Variants in CHGB observed in about 807,000 individuals in gnomAD.
CHGB encodes secretogranin-1.
Under a neutral mutation model 69.9 loss-of-function variants are expected in CHGB, and 46 were observed. The observed-to-expected ratio is 0.66, with a 90% CI of 0.52 to 0.84. The LOEUF (loss-of-function observed/expected upper bound fraction) is 0.84. Among genes scored for constraint, CHGB ranks in the 40% least tolerant of loss-of-function variants. The pLI is 0.00. For synonymous variants in CHGB, 312 were observed against 298.2 expected, an observed-to-expected ratio of 1.05 and a Z score of -0.48; for missense variants, 796 against 822.2, an observed-to-expected ratio of 0.97 and a Z score of 0.39.
Position 5,925,162 on chromosome 20 carries a change from A to G in CHGB, c.*113A>G. ...CCAAGGGCAGAAAGTAGAACTTACT[A>G]TTCATTAAATGTTTGACACAATTGG... On this transcript the variant is annotated 3_prime_UTR_variant, in exon 5 of 5. Transcript: ENST00000378961. 1 of 625,204 alleles carries G rather than the reference A, an allele frequency of 1.6e-6. No individual in the cohort carries two copies. Among genetic ancestry groups the G allele is most frequent in the Non-Finnish European group, 2.8e-6 (1 of 357,936 alleles). The allele number at this position is 625,204 out of a possible 1,614,324, so 38.7% of individuals were successfully genotyped here.
intron 3 of CHGB, among the ~76,000 whole-genome samples, chr20:5,919,441 C>G (rs1167867334): frequency 6.6e-6 from 1 of 152,146 alleles, no homozygotes; most frequent in Non-Finnish European, 1.5e-5. Flanking sequence ...ACAAATAACA[C>G]AAAAGAGTAA....
At chr20:5,913,455 A>G (rs2088457276) in intron 1 of CHGB, among the ~76,000 whole-genome samples, 1 of 152,194 alleles carries the variant, frequency 6.6e-6, no homozygotes, top group East Asian at 1.9e-4. Flanking sequence ...GGAAGCCTCA[A>G]GAAACCATCT....
At chr20:5,914,354 GA>G (rs750948899) in intron 1 of CHGB, among the ~76,000 whole-genome samples, 9 of 152,074 alleles carry the variant, frequency 5.9e-5, no homozygotes, top group Admixed American at 1.3e-4. Flanking sequence ...GAGATCTGAA[GA>G]GCCTCAGTCA....
Position 5,924,954 on chromosome 20 carries a change from CT to C in CHGB, c.1957-14del, listed in dbSNP as rs1568552832. ...ATTGGTTCGGGACCTCATGCCTCCA[CT>C]TTTCTGTATTTTCCAGAAAAAAGAA... On this transcript the variant is annotated splice_polypyrimidine_tract_variant and intron_variant, in intron 4 of 4. Transcript: ENST00000378961. The C allele has an allele frequency of 1.3e-6, 2 of 1,573,784 alleles. No homozygotes were observed. The highest frequency in any genetic ancestry group is 1.1e-5 in the South Asian group (1 of 89,868).
intron 2 of CHGB, 44 bp downstream of exon 2, chr20:5,916,416 C>CAAG: frequency 2.7e-6 from 4 of 1,481,614 alleles, no homozygotes; most frequent in Non-Finnish European, 3.8e-6. Flanking sequence ...TGTGTCTAGA[C>CAAG]TCTAGATTCT....
chr20:5,925,055 A>T lies in CHGB; in HGVS notation c.*6A>T, dbSNP rs1449604820. The T allele has an allele frequency of 6.2e-7, 1 of 1,603,062 alleles. No individual in the cohort carries two copies. Among genetic ancestry groups the T allele is most frequent in the Non-Finnish European group, 8.5e-7 (1 of 1,170,640 alleles). ...AATTCAGCCAAAGGGGCTGACTGTC[A>T]TTGGAGCGGTGGGCACTGTTAAGAA... On this transcript the variant is annotated 3_prime_UTR_variant, in exon 5 of 5. Coordinates refer to ENST00000378961, the MANE Select transcript of CHGB (RefSeq NM_001819.3).
At chr20:5,921,293 G>T (rs1600213603) in intron 3 of CHGB, among the ~76,000 whole-genome samples, 1 of 152,048 alleles carries the variant, frequency 6.6e-6, no homozygotes, top group South Asian at 2.1e-4. Context: ...TCCCAGATCG[G>T]ACCAGCCACA....
At position 5,916,309 on chromosome 20, in the gene CHGB, C is replaced by T; in HGVS notation, c.50-17C>T. On this transcript the variant is annotated splice_polypyrimidine_tract_variant and intron_variant, in intron 1 of 4. Coordinates refer to ENST00000378961, the MANE Select transcript of CHGB (RefSeq NM_001819.3). ...AAACCAACTCAAGTCATTTTCCATT[C>T]TTTTTCTCCTTCAAAGCTGTCAATT... The T allele has an allele frequency of 6.2e-7, 1 of 1,611,200 alleles. No homozygotes were observed. The highest frequency in any genetic ancestry group is 8.5e-7 in the Non-Finnish European group (1 of 1,177,990).
At chr20:5,914,753 C>T (rs2088466078) in intron 1 of CHGB, 1 of 152,208 alleles carries the variant, frequency 6.6e-6, no homozygotes, top group South Asian at 2.1e-4. Flanking sequence ...AGTGGGCCAA[C>T]TGGATCTTGC....
chr20:5,919,674 G>T (rs573981923), intron 3 of CHGB, among the ~76,000 whole-genome samples: 1 of 152,294 alleles, frequency 6.6e-6, no homozygotes, highest in East Asian at 1.9e-4. Flanking sequence ...AGGTCAAACA[G>T]AATTTACCTC....
At chr20:5,924,917 A>T in intron 4 of CHGB, 55 bp from the exon 5 acceptor site, 1 of 1,095,048 alleles carries the variant, frequency 9.1e-7, no homozygotes, top group East Asian at 2.4e-5. Flanking sequence ...CCATCAAACT[A>T]CAGCAAAAGA....
Position 5,923,568 on chromosome 20 carries a change from G to T in CHGB, c.1424G>T (p.Gly475Val), listed in dbSNP as rs763809351. 3 of 1,614,166 alleles carry T rather than the reference G, an allele frequency of 1.9e-6. No homozygotes were observed. Among genetic ancestry groups the T allele is most frequent in the Admixed American group, 3.3e-5 (2 of 60,022 alleles). The change falls in exon 4 of 5, where the codon GGT (glycine) becomes GTT (valine). Residue 475 changes from glycine to valine, a missense_variant. Around this residue, in one of 3 missense-constraint regions of CHGB, gnomAD observed 274 missense variants for 298.9 expected, o/e 0.92. Transcript: ENST00000378961. ...CTGGACAGAAATTATCTCAACTACG[G>T]TGAGGAAGGAGCCCCAGGGAAGTGG... ...KELDRNYLNY[G>V]EEGAPGKWQQ... is the part of the protein sequence containing the mutation.
chr20:5,922,461 C>A lies in CHGB; in HGVS notation c.317C>A (p.Ala106Asp), dbSNP rs1196530863. Reference sequence around the variant, plus strand: ...TCCTCCAGCAGGGGAGAGGCAGGAGCCCCAGGGGAGGAGGACATCCAAGGC... The same window carrying A: ...TCCTCCAGCAGGGGAGAGGCAGGAGACCCAGGGGAGGAGGACATCCAAGGC... ...HESSSRGEAGAPGEEDIQGPT... is the reference protein window; with the variant it reads ...HESSSRGEAGDPGEEDIQGPT... The change falls in exon 4 of 5, where the codon GCC (alanine) becomes GAC (aspartate). Residue 106 changes from alanine (A) to aspartate (D), a missense_variant. Physicochemically the swap from Ala to Asp is moderately radical, Grantham distance 126 (BLOSUM62 -2). This residue lies in a region of CHGB where 518 missense variants were observed against 506.3 expected (regional missense o/e 1.02). Coordinates refer to ENST00000378961, the MANE Select transcript of CHGB (RefSeq NM_001819.3). The A allele has an allele frequency of 6.2e-7, 1 of 1,613,616 alleles. No homozygotes were observed. Among genetic ancestry groups the A allele is most frequent in the East Asian group, 2.2e-5 (1 of 44,856 alleles).
chr20:5,914,526 G>A (rs569256255), intron 1 of CHGB: 1 of 152,286 alleles, frequency 6.6e-6, no homozygotes, highest in South Asian at 2.1e-4. Flanking sequence ...AAAAGGGAAA[G>A]TATTAGCAAG....
At chr20:5,922,303 G>C in intron 3 of CHGB, 32 bp from the exon 4 acceptor site, 1 of 1,503,912 alleles carries the variant, frequency 6.6e-7, no homozygotes, top group Non-Finnish European at 8.9e-7. Context: ...AAGCAATTCT[G>C]AAATTATACC....
chr20:5,916,374 T>C lies in CHGB; in HGVS notation c.96+2T>C. On this transcript the variant is annotated splice_donor_variant, in intron 2 of 4. Coordinates refer to ENST00000378961, the MANE Select transcript of CHGB (RefSeq NM_001819.3). LOFTEE classifies it high-confidence loss of function. ...AACAGGAACCACAATGAAGGAATGGTAAGTTGCAATGTCAATCTTAGAATC... is the reference window on the plus strand; with the variant it reads ...AACAGGAACCACAATGAAGGAATGGCAAGTTGCAATGTCAATCTTAGAATC... 1 of 1,611,312 alleles carries C rather than the reference T, an allele frequency of 6.2e-7. No individual in the cohort carries two copies. The highest frequency in any genetic ancestry group is 1.3e-5 in the African/African-American group (1 of 74,994).
chr20:5,911,706 C>T, intron 1 of CHGB, 24 bp downstream of exon 1: 2 of 1,425,090 alleles, frequency 1.4e-6, no homozygotes, highest in South Asian at 1.5e-5. Context: ...GCGGGCCGGT[C>T]AGCACCGCGG....
At chr20:5,924,891 C>T in intron 4 of CHGB, 81 bp from the exon 5 acceptor site, 1 of 800,218 alleles carries the variant, frequency 1.2e-6, no homozygotes, top group Non-Finnish European at 2.1e-6. Context: ...CTAAAATTCC[C>T]CTTTGCACTC....
chr20:5,911,711 C>T (rs1409675597), intron 1 of CHGB, 29 bp downstream of exon 1: 46 of 1,407,806 alleles, frequency 3.3e-5, no homozygotes, highest in Non-Finnish European at 4.2e-5. Flanking sequence ...CCGGTCAGCA[C>T]CGCGGACAGC....
Sources: gnomAD v4.1 joint callset for allele counts (sites outside exome capture counted in the v4.1 genomes callset) on GRCh38, gnomAD v4.1.1 for gene constraint, gnomAD v4.1.1 regional missense constraint, MANE v1.5 for transcripts, NCBI Gene and HGNC (gene_info 2026-07-23, HGNC 2026-07-21) for gene names.